LONRF2: variants seen among roughly 807,000 people sequenced by gnomAD.
LONRF2 encodes LON peptidase N-terminal domain and ring finger 2.
LONRF2 carries 35 observed loss-of-function variants against 66.6 expected under a neutral mutation model. That is an observed-to-expected ratio of 0.53 (90% CI 0.40 to 0.70). The LOEUF (loss-of-function observed/expected upper bound fraction) is 0.70. Ranked by LOEUF, LONRF2 falls within the 30% of genes least tolerant of loss-of-function variation. The pLI is 0.00. For missense variants in LONRF2, 902 were observed against 1,002.1 expected (o/e 0.90, Z 1.35); for synonymous variants, 417 against 418.1 (o/e 1.00, Z 0.03).
chr2:100,316,895 C>G (rs1675520118), intron 1 of LONRF2, among the ~76,000 whole-genome samples: 1 of 152,142 alleles, frequency 6.6e-6, no homozygotes, highest in South Asian at 2.1e-4. Context: ...TATTATTACA[C>G]ATTTTTTTTC....
chr2:100,302,006 TA>T (rs1240586585), intron 3 of LONRF2, among the ~76,000 whole-genome samples: 34 of 152,062 alleles, frequency 2.2e-4, no homozygotes, highest in Admixed American at 1.2e-3. Context: ...CAAGAGAAGA[TA>T]AAAAACAACA....
At chr2:100,300,210 C>A (rs1374544795) in intron 4 of LONRF2, among the ~76,000 whole-genome samples, 1 of 151,814 alleles carries the variant, frequency 6.6e-6, no homozygotes, top group Non-Finnish European at 1.5e-5. Flanking sequence ...CACACGTACA[C>A]ACATAAAATC....
chr2:100,281,684 C>T lies in LONRF2; in HGVS notation c.*2614G>A, dbSNP rs554464750. ...CTATTACTCTTTTCTGCTTTGATTC[C>T]AATGTAACGAGAGCATGCCTATTGG... On this transcript the variant is annotated 3_prime_UTR_variant, in exon 12 of 12. Transcript: ENST00000393437. 4 of 152,206 alleles carry T rather than the reference C, an allele frequency of 2.6e-5. No homozygotes were observed. The South Asian group carries it at 8.3e-4, about 32-fold the overall frequency. The allele number at this position is 152,206 out of a possible 1,614,324, so 9.4% of individuals were successfully genotyped here.
chr2:100,314,722 TA>T (rs1675472133), intron 1 of LONRF2, among the ~76,000 whole-genome samples: 1 of 152,244 alleles, frequency 6.6e-6, no homozygotes, highest in African/African-American at 2.4e-5. Flanking sequence ...TATTCAGGTT[TA>T]TTTTTTTCCA....
At chr2:100,299,608 T>C (rs901161510) in intron 5 of LONRF2, 109 bp downstream of exon 5, 3 of 825,864 alleles carry the variant, frequency 3.6e-6, no homozygotes, top group East Asian at 5.4e-5. Context: ...ATATAATCAT[T>C]TCATTACTAA....
chr2:100,278,402 A>C lies in LONRF2; in HGVS notation c.*5896T>G, dbSNP rs1157208603. ...AGAGAACACATTCTCTCCTGGACCC[A>C]CTAACCCCAGGGCTCCCACAGGCCG... On this transcript the variant is annotated 3_prime_UTR_variant, in exon 12 of 12. Coordinates refer to ENST00000393437, the MANE Select transcript of LONRF2 (RefSeq NM_198461.4). 2 of 152,118 alleles carry C rather than the reference A, an allele frequency of 1.3e-5. No homozygotes were observed. Among genetic ancestry groups the C allele is most frequent in the African/African-American group, 2.4e-5 (1 of 41,408 alleles). The allele number at this position is 152,118 out of a possible 1,614,324, so 9.4% of individuals were successfully genotyped here.
At position 100,298,835 on chromosome 2, in the gene LONRF2, C is replaced by T; in HGVS notation, c.1476+1G>A. On this transcript the variant is annotated splice_donor_variant, in intron 7 of 11. Coordinates refer to ENST00000393437, the MANE Select transcript of LONRF2 (RefSeq NM_198461.4). LOFTEE classifies it high-confidence loss of function. ...CCCGTCATTTCCTAAAGTGTACTTA[C>T]TTCCGAAAGTTTGTCTTTGCACAAA... 1 of 1,611,808 alleles carries T rather than the reference C, an allele frequency of 6.2e-7. No individual in the cohort carries two copies. The highest frequency in any genetic ancestry group is 8.5e-7 in the Non-Finnish European group (1 of 1,177,872).
At chr2:100,288,423 T>C (rs1332738972) in intron 10 of LONRF2, among the ~76,000 whole-genome samples, 1 of 152,238 alleles carries the variant, frequency 6.6e-6, no homozygotes, top group Non-Finnish European at 1.5e-5. Flanking sequence ...AACCAAAGAA[T>C]TTAAAAGAGG....
intron 3 of LONRF2, among the ~76,000 whole-genome samples, chr2:100,302,550 C>G (rs10180423): frequency 0.55 from 83,331 of 152,068 alleles, 23,326 homozygotes; most frequent in East Asian, 0.77. Context: ...TGCTGGTGAA[C>G]CTTTGCTGAA....
intron 1 of LONRF2, among the ~76,000 whole-genome samples, chr2:100,313,016 C>A (rs995314239): frequency 1.3e-5 from 2 of 152,196 alleles, no homozygotes; most frequent in African/African-American, 4.8e-5. Context: ...CATAAGAGGG[C>A]AGCCTAAGAC....
rs143550747 is a variant in LONRF2 at position 100,289,237 on chromosome 2, A to G, written c.1920+1021T>C. ...ATGCTCATGCCTTTACACATTGTCT[A>G]TGGCTGCTTTTGCACTACAAGGGCA... On this transcript the variant is annotated intron_variant, in intron 10 of 11. Coordinates refer to ENST00000393437, the MANE Select transcript of LONRF2 (RefSeq NM_198461.4). 7.2e-5 allele frequency among the ~76,000 whole-genome samples: 11 copies of G among 152,224 alleles called. No individual in the cohort carries two copies. In the Middle Eastern group the frequency reaches 0.01, roughly 141 times the overall value.
rs1674526868 is a variant in LONRF2 at position 100,272,846 on chromosome 2, T to C, written c.*11452A>G. 6.6e-6 allele frequency among the ~76,000 whole-genome samples: 1 copy of C among 152,248 alleles called. No individual in the cohort carries two copies. Among genetic ancestry groups the C allele is most frequent in the Non-Finnish European group, 1.5e-5 (1 of 68,044 alleles). On this transcript the variant is annotated 3_prime_UTR_variant, in exon 12 of 12. Coordinates refer to ENST00000393437, the MANE Select transcript of LONRF2 (RefSeq NM_198461.4). The stretch of plus-strand genomic sequence containing the variant: ...TGATTTTTAAAAGTAATTATGGTTT[T>C]AAGCCAAAGCCATTGGCAGCCCTCT...
intron 2 of LONRF2, among the ~76,000 whole-genome samples, chr2:100,304,625 G>GTTTTTTTTTTTTTTTTTT (rs3039612): frequency 8.2e-6 from 1 of 122,020 alleles, no homozygotes; most frequent in Non-Finnish European, 1.6e-5. Context: ...TTAGTTGACT[G>GTTTTTTTTTTTTTTTTTT]TTTTTTTTTT....
chr2:100,314,535 G>T (rs1191041392), intron 1 of LONRF2, among the ~76,000 whole-genome samples: 1 of 152,118 alleles, frequency 6.6e-6, no homozygotes, highest in African/African-American at 2.4e-5. Flanking sequence ...GTCTCAGTAA[G>T]ATATTTGTAT....
rs1299866562 is a variant in LONRF2 at position 100,277,053 on chromosome 2, A to G, written c.*7245T>C. 6.6e-6 allele frequency: 1 copy of G among 152,198 alleles called. No individual in the cohort carries two copies. The highest frequency in any genetic ancestry group is 2.4e-5 in the African/African-American group (1 of 41,460). The allele number at this position is 152,198 out of a possible 1,614,324, so 9.4% of individuals were successfully genotyped here. On this transcript the variant is annotated 3_prime_UTR_variant, in exon 12 of 12. Coordinates refer to ENST00000393437, the MANE Select transcript of LONRF2 (RefSeq NM_198461.4). ...ATGGCAATGTAGTCCTCATTTACAAATTTTACTTAATCTTCTTGCTGCTGC... is the reference window on the plus strand; with the variant it reads ...ATGGCAATGTAGTCCTCATTTACAAGTTTTACTTAATCTTCTTGCTGCTGC...
chr2:100,312,892 TAA>T (rs914304334), intron 1 of LONRF2, among the ~76,000 whole-genome samples: 1 of 152,226 alleles, frequency 6.6e-6, no homozygotes, highest in African/African-American at 2.4e-5. Context: ...TGCAAATTAT[TAA>T]AAGTCTTTGT....
At chr2:100,293,226 A>G (rs1178689911) in intron 9 of LONRF2, among the ~76,000 whole-genome samples, 1 of 152,124 alleles carries the variant, frequency 6.6e-6, no homozygotes, top group African/African-American at 2.4e-5. Context: ...CTGTGCACCA[A>G]CGGACATGGC....
In LONRF2 at chr2:100,284,350, C is replaced by T. The variant is rs775108359; in HGVS notation, c.2213G>A (p.Arg738His). 12 of 1,590,700 alleles carry T rather than the reference C, an allele frequency of 7.5e-6. No homozygotes were observed. The highest frequency in any genetic ancestry group is 2.3e-5 in the East Asian group (1 of 44,220). The change falls in exon 12 of 12, where the codon CGT (arginine) becomes CAT (histidine). Residue 738 changes from arginine (R) to histidine (H), a missense_variant. Arg to His is a conservative substitution (Grantham distance 29). Around this residue, in one of 2 missense-constraint regions of LONRF2, gnomAD observed 317 missense variants for 432.2 expected, o/e 0.73. Transcript: ENST00000393437. ...CAGCTCTTGCCGACTATTCATCTTA[C>T]GCGTGATGATGACTAATATCCGTCG... Reference protein sequence around the residue: ...AIRRILVIITRKMNSRQELAN... With the variant: ...AIRRILVIITHKMNSRQELAN...
At chr2:100,300,019 AGGG>A in intron 4 of LONRF2, 101 bp from the exon 5 acceptor site, 1 of 394,614 alleles carries the variant, frequency 2.5e-6, no homozygotes, top group Non-Finnish European at 4.5e-6. Flanking sequence ...GGAAAAAAAA[AGGG>A]GGGGGCATAC....
Sources: gnomAD v4.1 joint callset for allele counts (sites outside exome capture counted in the v4.1 genomes callset) on GRCh38, gnomAD v4.1.1 for gene constraint, gnomAD v4.1.1 regional missense constraint, MANE v1.5 for transcripts, NCBI Gene and HGNC (gene_info 2026-07-23, HGNC 2026-07-21) for gene names.